The following MTR variants were observed in gnomAD, a reference collection of about 807,000 sequenced individuals.
The protein encoded by MTR is 5-methyltetrahydrofolate-homocysteine methyltransferase, also known as methionine synthase.
In MTR, 84 loss-of-function variants were observed where a neutral mutation model predicts 154.8. The ratio of observed to expected loss-of-function variants is 0.54; its 90% CI spans 0.45 to 0.65. The LOEUF is 0.65. Among genes scored for constraint, MTR ranks in the 30% least tolerant of loss-of-function variants. The pLI is 0.00. For synonymous variants in MTR, 554 were observed against 553.9 expected (o/e 1.00, Z 0.00); for missense variants, 1,275 against 1,570.2 (o/e 0.81, Z 3.18).
intron 15 of MTR, among the ~76,000 whole-genome samples, chr1:236,844,168 C>T (rs1218146645): frequency 6.6e-6 from 1 of 151,946 alleles, no homozygotes; most frequent in Non-Finnish European, 1.5e-5. Context: ...CCTTGGAAGC[C>T]AAGTGAAGAA....
intron 2 of MTR, among the ~76,000 whole-genome samples, chr1:236,805,222 C>A (rs1660912881): frequency 6.6e-6 from 1 of 152,044 alleles, no homozygotes; most frequent in Non-Finnish European, 1.5e-5. Flanking sequence ...TTGAGATGAT[C>A]CAAGGAGTGG....
At position 236,810,521 on chromosome 1, in the gene MTR, C is replaced by T. The variant is rs1411468871; in HGVS notation, c.428C>T (p.Ala143Val). Residue 143 changes from alanine (A) to valine (V), a missense_variant, in exon 5 of 33, where the codon GCA (alanine) becomes GTA (valine). Physicochemically the swap from Ala to Val is moderately conservative, Grantham distance 64. Transcript: ENST00000366577. Reference protein sequence around the residue: ...TLQTGIKRFVAGALGPTNKTL... With the variant: ...TLQTGIKRFVVGALGPTNKTL... ...CCCAAAGGAATTAAGAGGTTTGTGG[C>T]AGGGGCTCTGGGTCCGACTAATAAG... 1 of 1,613,578 alleles carries T rather than the reference C, an allele frequency of 6.2e-7. No homozygotes were observed. The highest frequency in any genetic ancestry group is 8.5e-7 in the Non-Finnish European group (1 of 1,179,708).
intron 31 of MTR, 132 bp from the exon 32 acceptor site, chr1:236,896,874 A>G (rs1018718442): frequency 5.2e-6 from 4 of 775,516 alleles, no homozygotes; most frequent in African/African-American, 3.4e-5. Context: ...ATGCTGTGTC[A>G]TGTGTCTACC....
chr1:236,880,465 G>C (rs1665666725), intron 24 of MTR, among the ~76,000 whole-genome samples: 1 of 152,162 alleles, frequency 6.6e-6, no homozygotes, highest in Non-Finnish European at 1.5e-5. Context: ...AGTCACGTGG[G>C]CTGCGAATGA....
At position 236,834,475 on chromosome 1, in the gene MTR, C is replaced by T. The variant is rs561560096; in HGVS notation, c.1189-1072C>T. On this transcript the variant is annotated intron_variant, in intron 13 of 32. Coordinates refer to ENST00000366577, the MANE Select transcript of MTR (RefSeq NM_000254.3). ...GATTACAGGCATGAGCCACCACACC[C>T]GGTCCAGATTTACTGAATTTAAGTG... Among the ~76,000 whole-genome samples, 239 of 152,312 alleles carry T rather than the reference C, an allele frequency of 1.6e-3. 3 individuals are homozygous for T. Among genetic ancestry groups the T allele is most frequent in the African/African-American group, 5.5e-3 (230 of 41,572 alleles).
chr1:236,831,338 T>C (rs979360240), intron 12 of MTR, among the ~76,000 whole-genome samples: 2 of 152,182 alleles, frequency 1.3e-5, no homozygotes, highest in Non-Finnish European at 2.9e-5. Context: ...GGAGATGTTA[T>C]TATGTTGGTG....
chr1:236,898,138 G>C lies in MTR; in HGVS notation c.*494G>C. On this transcript the variant is annotated 3_prime_UTR_variant, in exon 33 of 33. Coordinates refer to ENST00000366577, the MANE Select transcript of MTR (RefSeq NM_000254.3). ...AGTGGATTCTGACGGGGAAGGTGTAGCTCTGTTCTCTTCGGAAGACCTCGT... is the reference window on the plus strand; with the variant it reads ...AGTGGATTCTGACGGGGAAGGTGTACCTCTGTTCTCTTCGGAAGACCTCGT... 1 of 168,544 alleles carries C rather than the reference G, an allele frequency of 5.9e-6. No individual in the cohort carries two copies. Among genetic ancestry groups the C allele is most frequent in the South Asian group, 1.5e-4 (1 of 6,594 alleles). 10.4% of individuals were successfully genotyped at this position (168,544 alleles called of 1,614,324 possible).
intron 15 of MTR, among the ~76,000 whole-genome samples, chr1:236,840,930 G>A (rs966257693): frequency 2.0e-5 from 3 of 152,136 alleles, no homozygotes; most frequent in Admixed American, 6.5e-5. Context: ...TTTGAGGCAC[G>A]TTGTTAAAAT....
At chr1:236,811,377 CATACTT>C (rs1348710895) in intron 5 of MTR, among the ~76,000 whole-genome samples, 3 of 152,168 alleles carry the variant, frequency 2.0e-5, no homozygotes, top group Non-Finnish European at 2.9e-5. Flanking sequence ...CATATATAAA[CATACTT>C]ATATTGAGAT....
At chr1:236,894,668 T>C (rs1173294610) in intron 30 of MTR, 111 bp downstream of exon 30, 1 of 1,109,550 alleles carries the variant, frequency 9.0e-7, no homozygotes, top group African/African-American at 1.6e-5. Context: ...CTTTTTTTTT[T>C]TTTTTCTTGA....
chr1:236,851,237 T>C (rs918052834), intron 16 of MTR, among the ~76,000 whole-genome samples: 2 of 152,206 alleles, frequency 1.3e-5, no homozygotes, highest in Non-Finnish European at 2.9e-5. Flanking sequence ...AGGGCAAACA[T>C]GGCAGTGACC....
chr1:236,868,275 AT>A lies in MTR; in HGVS notation c.2405+4731del, dbSNP rs796862445. 1.9e-3 allele frequency among the ~76,000 whole-genome samples: 283 copies of A among 150,218 alleles called. 1 individual carries two copies. Among genetic ancestry groups the A allele is most frequent in the Non-Finnish European group, 3.1e-3 (209 of 67,422 alleles). On this transcript the variant is annotated intron_variant, in intron 22 of 32. Transcript: ENST00000366577. ...ACTGAAGACCCAGATGATCATTAGCATTTTTTTTTTAGCAACAAGTATTTTT... is the reference window on the plus strand; with the variant it reads ...ACTGAAGACCCAGATGATCATTAGCATTTTTTTTTAGCAACAAGTATTTTT...
chr1:236,830,550 T>G (rs1352841144), intron 12 of MTR, among the ~76,000 whole-genome samples: 1 of 152,260 alleles, frequency 6.6e-6, no homozygotes, highest in Non-Finnish European at 1.5e-5. Flanking sequence ...TGTTTAAAAT[T>G]GTTCTTTTAT....
chr1:236,887,354 C>T lies in MTR; in HGVS notation c.2851+987C>T, dbSNP rs148480412. ...CAACGTGGCTCCTGACTCTGACTCA[C>T]GGAGTGACCTTGAGCAGCTTGCTTC... is the stretch of plus-strand genomic sequence containing the variant. On this transcript the variant is annotated intron_variant, in intron 27 of 32. Coordinates refer to ENST00000366577, the MANE Select transcript of MTR (RefSeq NM_000254.3). Among the ~76,000 whole-genome samples, 12 of 152,278 alleles carry T rather than the reference C, an allele frequency of 7.9e-5. No homozygotes were observed. In the East Asian group the frequency reaches 1.4e-3, roughly 17 times the overall value.
At chr1:236,842,772 A>G (rs536872510) in intron 15 of MTR, among the ~76,000 whole-genome samples, 1 of 110,956 alleles carries the variant, frequency 9.0e-6, no homozygotes. Flanking sequence ...AACAAATTTA[A>G]AAAAAAAAGA....
intron 2 of MTR, among the ~76,000 whole-genome samples, chr1:236,804,296 A>G (rs1451742845): frequency 6.6e-6 from 1 of 152,206 alleles, no homozygotes; most frequent in Non-Finnish European, 1.5e-5. Flanking sequence ...CCCTTATAAA[A>G]GAGGCTCAAG....
rs531719699 is a variant in MTR at position 236,824,431 on chromosome 1, G to A, written c.865+212G>A. Among the ~76,000 whole-genome samples the A allele has an allele frequency of 5.3e-5, 8 of 152,286 alleles. No individual in the cohort carries two copies. The South Asian group carries it at 6.2e-4, about 12-fold the overall frequency. On this transcript the variant is annotated intron_variant, in intron 9 of 32. Coordinates refer to ENST00000366577, the MANE Select transcript of MTR (RefSeq NM_000254.3). Reference sequence around the variant, plus strand: ...AGCTTCAGAATAGTACAGAACTTCCGGAAATGAGCTTAGTCACATAACTGA... The same window carrying A: ...AGCTTCAGAATAGTACAGAACTTCCAGAAATGAGCTTAGTCACATAACTGA...
rs1339790383 is a variant in MTR at position 236,819,780 on chromosome 1, A to G, written c.764+3237A>G. 7.9e-6 allele frequency: 6 copies of G among 758,770 alleles called. No individual in the cohort carries two copies. In the Admixed American group the frequency reaches 1.0e-4, roughly 13 times the overall value. 47.0% of individuals were successfully genotyped at this position (758,770 alleles called of 1,614,324 possible). On this transcript the variant is annotated intron_variant, in intron 8 of 32. Transcript: ENST00000366577. Reference sequence around the variant, plus strand: ...AAGGAAAAATGATGGGATCTACATCATAAATCTGAAGAGGACCTGGGAGAA... The same window carrying G: ...AAGGAAAAATGATGGGATCTACATCGTAAATCTGAAGAGGACCTGGGAGAA...
intron 15 of MTR, among the ~76,000 whole-genome samples, chr1:236,847,630 A>G (rs750582478): frequency 3.9e-5 from 6 of 152,246 alleles, no homozygotes; most frequent in Non-Finnish European, 7.3e-5. Flanking sequence ...AGAAGGTGCC[A>G]CATCTCACCT....
Sources: gnomAD v4.1 joint callset for allele counts (sites outside exome capture counted in the v4.1 genomes callset) on GRCh38, gnomAD v4.1.1 for gene constraint, MANE v1.5 for transcripts, NCBI Gene and HGNC (gene_info 2026-07-23, HGNC 2026-07-21) for gene names.